The following CLEC4C variants were observed in gnomAD, a reference collection of about 807,000 sequenced individuals.
CLEC4C encodes C-type lectin domain family 4 member C.
In CLEC4C, 17 loss-of-function variants were observed where a neutral mutation model predicts 27.7. The observed-to-expected ratio is 0.61, with a 90% CI of 0.42 to 0.92. The LOEUF (loss-of-function observed/expected upper bound fraction) is 0.92, where lower values mean the gene tolerates loss of function less well. CLEC4C is among the 40% of genes least tolerant of loss of function. The pLI is 0.00. For missense variants in CLEC4C, 244 were observed against 257.3 expected (o/e 0.95, Z 0.35); for synonymous variants, 80 against 80.8 (o/e 0.99, Z 0.06).
intron 4 of CLEC4C, among the ~76,000 whole-genome samples, chr12:7,733,504 C>CG (rs1485517836): frequency 8.2e-6 from 1 of 122,022 alleles, no homozygotes; most frequent in Admixed American, 9.8e-5. Context: ...TTTTTTGAGA[C>CG]TGAGTCTTGC....
chr12:7,745,189 G>A (rs747268488), intron 2 of CLEC4C, among the ~76,000 whole-genome samples: 10 of 151,942 alleles, frequency 6.6e-5, no homozygotes, highest in Non-Finnish European at 1.3e-4. Context: ...AGGAAATCAG[G>A]TTTAGATGAG....
intron 5 of CLEC4C, among the ~76,000 whole-genome samples, chr12:7,730,022 G>A (rs1461626096): frequency 1.3e-5 from 2 of 152,168 alleles, no homozygotes; most frequent in African/African-American, 2.4e-5. Context: ...AGATGTCCAA[G>A]AGGATTCCTT....
intron 4 of CLEC4C, among the ~76,000 whole-genome samples, chr12:7,732,190 T>C (rs756725069): frequency 2.0e-5 from 3 of 151,600 alleles, no homozygotes; most frequent in Admixed American, 6.6e-5. Flanking sequence ...ACATCATGCC[T>C]GGTTAATTTT....
intron 2 of CLEC4C, among the ~76,000 whole-genome samples, chr12:7,745,577 C>T (rs774574357): frequency 4.6e-5 from 7 of 151,362 alleles, no homozygotes; most frequent in South Asian, 2.1e-4. Context: ...GGATTACAGG[C>T]GCGAGTCACT....
chr12:7,737,317 C>A, intron 4 of CLEC4C, 112 bp downstream of exon 4: 1 of 939,294 alleles, frequency 1.1e-6, no homozygotes, highest in Non-Finnish European at 1.5e-6. Flanking sequence ...TTTTTTTTTA[C>A]CCAGAAGTTT....
In CLEC4C at chr12:7,746,303, G is replaced by A. The variant is rs755336478; in HGVS notation, c.124+28C>T. The A allele has an allele frequency of 3.1e-5, 40 of 1,297,780 alleles. No individual in the cohort carries two copies. In the South Asian group the frequency reaches 4.0e-4, roughly 13 times the overall value. 80.4% of individuals were successfully genotyped at this position (1,297,780 alleles called of 1,614,324 possible). A position where few individuals can be genotyped will look rare whatever the true frequency, so the allele number is the denominator to read the frequency against. On this transcript the variant is annotated intron_variant, in intron 2 of 5. Coordinates refer to ENST00000360345, the MANE Select transcript of CLEC4C (RefSeq NM_001371390.1). Reference sequence around the variant, plus strand: ...AATGTGATTGGGAAAAGGACCAAGAGATGACTGCACTCCAGCCAAGAACTT... The same window carrying A: ...AATGTGATTGGGAAAAGGACCAAGAAATGACTGCACTCCAGCCAAGAACTT...
rs56683824 is a variant in CLEC4C at position 7,739,846 on chromosome 12, A to ATTT, written c.235+1572_235+1574dup. ...AGGCACATGCCACCATAGCTCGGTA[A>ATTT]TTTTTTTTTTTTTTTGAGATGGAGT... On this transcript the variant is annotated intron_variant, in intron 3 of 5. Coordinates refer to ENST00000360345, the MANE Select transcript of CLEC4C (RefSeq NM_001371390.1). 4.7e-4 allele frequency among the ~76,000 whole-genome samples: 66 copies of ATTT among 141,016 alleles called. 1 individual carries two copies. In the South Asian group the frequency reaches 0.013, roughly 28 times the overall value. The allele number at this position is 141,016 out of a possible 152,430, so 92.5% of individuals were successfully genotyped here.
At position 7,746,377 on chromosome 12, in the gene CLEC4C, G is replaced by T. The variant is rs757117100; in HGVS notation, c.78C>A (p.Val26=). 1 of 1,613,826 alleles carries T rather than the reference G, an allele frequency of 6.2e-7. No individual in the cohort carries two copies. Among genetic ancestry groups the T allele is most frequent in the Non-Finnish European group, 8.5e-7 (1 of 1,179,842 alleles). The part of the protein sequence containing the change: ...WFQLKVWSMA[V]VSILLLSVCF... ...AGACACTGAGGAGCAAGATGGATAC[G>T]ACTGCCATGGACCAGACCTTCAACT... The change falls in exon 2 of 6, where the codon GTC becomes GTA. Residue 26 remains valine (V), a synonymous_variant. Coordinates refer to ENST00000360345, the MANE Select transcript of CLEC4C (RefSeq NM_001371390.1).
intron 2 of CLEC4C, among the ~76,000 whole-genome samples, chr12:7,744,689 A>G (rs1017891096): frequency 1.3e-5 from 2 of 152,060 alleles, no homozygotes; most frequent in African/African-American, 4.8e-5. Context: ...ATTATGGCTC[A>G]CTGCAGCCTC....
At chr12:7,741,063 C>G (rs1047279610) in intron 3 of CLEC4C, among the ~76,000 whole-genome samples, 1 of 152,036 alleles carries the variant, frequency 6.6e-6, no homozygotes, top group Non-Finnish European at 1.5e-5. Context: ...CTCCTGACCT[C>G]GTGATCCGCC....
At chr12:7,730,197 G>C (rs1354638694) in intron 5 of CLEC4C, among the ~76,000 whole-genome samples, 2 of 152,082 alleles carry the variant, frequency 1.3e-5, no homozygotes, top group Non-Finnish European at 2.9e-5. Context: ...CTTAGTCTCT[G>C]TTATTTAGTG....
intron 4 of CLEC4C, among the ~76,000 whole-genome samples, chr12:7,733,641 CCTG>C (rs1339971232): frequency 6.6e-6 from 1 of 151,698 alleles, no homozygotes; most frequent in African/African-American, 2.4e-5. Flanking sequence ...GCCACCATGC[CCTG>C]CTAATTTTTT....
chr12:7,736,068 G>C (rs1864719073), intron 4 of CLEC4C, among the ~76,000 whole-genome samples: 1 of 152,098 alleles, frequency 6.6e-6, no homozygotes. Context: ...TGGATCACGA[G>C]GTCAGGAGTT....
At chr12:7,735,520 A>G (rs969947781) in intron 4 of CLEC4C, among the ~76,000 whole-genome samples, 2 of 147,506 alleles carry the variant, frequency 1.4e-5, no homozygotes, top group African/African-American at 5.0e-5. Context: ...AAAAAAAAAA[A>G]AAACGGCCAG....
At position 7,737,415 on chromosome 12, in the gene CLEC4C, C is replaced by T. The variant is rs1286790492; in HGVS notation, c.381+14G>A. 6.3e-7 allele frequency: 1 copy of T among 1,597,134 alleles called. No homozygotes were observed. The highest frequency in any genetic ancestry group is 1.3e-5 in the African/African-American group (1 of 74,150). ...GAAACAGATTAGCTGACCACCTTGC[C>T]TGTTAGAACATACCTGTTCTTCCCT... On this transcript the variant is annotated intron_variant, in intron 4 of 5. Coordinates refer to ENST00000360345, the MANE Select transcript of CLEC4C (RefSeq NM_001371390.1).
chr12:7,744,536 A>G (rs1864929368), intron 2 of CLEC4C, among the ~76,000 whole-genome samples: 1 of 152,246 alleles, frequency 6.6e-6, no homozygotes, highest in Non-Finnish European at 1.5e-5. Context: ...TCACAAAAAT[A>G]TAAAACTTGG....
At chr12:7,733,830 C>T (rs2120373514) in intron 4 of CLEC4C, among the ~76,000 whole-genome samples, 1 of 152,022 alleles carries the variant, frequency 6.6e-6, no homozygotes, top group East Asian at 1.9e-4. Flanking sequence ...CCACCTTCGC[C>T]TCCCAACATG....
chr12:7,740,397 G>A (rs2120412130), intron 3 of CLEC4C, among the ~76,000 whole-genome samples: 1 of 152,064 alleles, frequency 6.6e-6, no homozygotes, highest in South Asian at 2.1e-4. Context: ...GGGTGAAGAT[G>A]ATAAGCAAAG....
rs905432229 is a variant in CLEC4C at position 7,729,434 on chromosome 12, G to C, written c.*162C>G. The C allele has an allele frequency of 5.1e-6, 3 of 588,526 alleles. No homozygotes were observed. The Admixed American group carries it at 9.8e-5, about 19-fold the overall frequency. 36.5% of individuals were successfully genotyped at this position (588,526 alleles called of 1,614,324 possible). A position where few individuals can be genotyped will look rare whatever the true frequency, so the allele number is the denominator to read the frequency against. ...TGAATAAATGAATAAATGAATAAATGAATGTGTGAATGGATTATATCATAA... is the reference window on the plus strand; with the variant it reads ...TGAATAAATGAATAAATGAATAAATCAATGTGTGAATGGATTATATCATAA... On this transcript the variant is annotated 3_prime_UTR_variant, in exon 6 of 6. Transcript: ENST00000360345.
Sources: gnomAD v4.1 joint callset for allele counts (sites outside exome capture counted in the v4.1 genomes callset) on GRCh38, gnomAD v4.1.1 for gene constraint, MANE v1.5 for transcripts, NCBI Gene and HGNC (gene_info 2026-07-23, HGNC 2026-07-21) for gene names.